The following THRB variants were observed in gnomAD, a reference collection of about 807,000 sequenced individuals.
The protein encoded by THRB is nuclear receptor subfamily 1 group A member 2.
In THRB, 12 loss-of-function variants were observed where a neutral mutation model predicts 47.8. The ratio of observed to expected loss-of-function variants is 0.25; its 90% CI spans 0.16 to 0.41. The LOEUF (loss-of-function observed/expected upper bound fraction) is 0.41. Ranked by LOEUF, THRB falls within the 10% of genes least tolerant of loss-of-function variation. The pLI is 1.00. For missense variants in THRB, 348 were observed against 589.2 expected (o/e 0.59, Z 4.24); for synonymous variants, 218 against 212.2 (o/e 1.03, Z -0.24).
rs184518282 is a variant in THRB at position 24,437,356 on chromosome 3, C to T, written c.-261+57296G>A. On this transcript the variant is annotated intron_variant, in intron 1 of 10. Coordinates refer to ENST00000646209, the MANE Select transcript of THRB (RefSeq NM_001354712.2). ...AAGTGTATCTCATGGAGGAAGACAGCAGATTGGTGGTTCCCAGAGGCTGAG... is the reference window on the plus strand; with the variant it reads ...AAGTGTATCTCATGGAGGAAGACAGTAGATTGGTGGTTCCCAGAGGCTGAG... Among the ~76,000 whole-genome samples the T allele has an allele frequency of 1.2e-3, 176 of 151,880 alleles. 1 individual carries two copies. The highest frequency in any genetic ancestry group is 3.4e-3 in the Middle Eastern group (1 of 294).
intron 5 of THRB, among the ~76,000 whole-genome samples, chr3:24,186,575 T>C (rs1344234526): frequency 6.6e-6 from 1 of 152,172 alleles, no homozygotes; most frequent in Non-Finnish European, 1.5e-5. Flanking sequence ...TAGCTCTCAT[T>C]CTAATTAAAT....
At chr3:24,337,981 C>T (rs550161282) in intron 1 of THRB, among the ~76,000 whole-genome samples, 1 of 152,294 alleles carries the variant, frequency 6.6e-6, no homozygotes, top group East Asian at 1.9e-4. Context: ...AAACAGACCA[C>T]GACACCTGCC....
chr3:24,195,683 C>G (rs2043866832), intron 4 of THRB, among the ~76,000 whole-genome samples: 1 of 152,226 alleles, frequency 6.6e-6, no homozygotes, highest in Non-Finnish European at 1.5e-5. Context: ...CTCCCTCTGG[C>G]TGAGCTCCTC....
At chr3:24,344,437 A>G (rs1050457578) in intron 1 of THRB, among the ~76,000 whole-genome samples, 1 of 152,132 alleles carries the variant, frequency 6.6e-6, no homozygotes, top group African/African-American at 2.4e-5. Flanking sequence ...GTTGATCAAC[A>G]AGAAAATTAC....
chr3:24,282,673 T>C (rs1202551053), intron 3 of THRB, among the ~76,000 whole-genome samples: 1 of 145,150 alleles, frequency 6.9e-6, no homozygotes, highest in Non-Finnish European at 1.5e-5. Context: ...ATCAACAAAA[T>C]TGATAGACCG....
At chr3:24,212,446 G>C (rs1186300971) in intron 4 of THRB, among the ~76,000 whole-genome samples, 2 of 151,346 alleles carry the variant, frequency 1.3e-5, no homozygotes, top group Non-Finnish European at 2.9e-5. Flanking sequence ...GCCAGGCATG[G>C]TGGCGGGCAC....
At chr3:24,339,183 G>A (rs2062459523) in intron 1 of THRB, among the ~76,000 whole-genome samples, 1 of 151,966 alleles carries the variant, frequency 6.6e-6, no homozygotes, top group African/African-American at 2.4e-5. Context: ...TTTTTTGAGA[G>A]TGTAATTTTG....
intron 1 of THRB, among the ~76,000 whole-genome samples, chr3:24,415,401 T>A (rs1251418585): frequency 6.6e-6 from 1 of 151,912 alleles, no homozygotes; most frequent in African/African-American, 2.4e-5. Context: ...GTAAAAATCT[T>A]ATCAGGCAAG....
At chr3:24,218,978 A>T (rs2046894171) in intron 4 of THRB, among the ~76,000 whole-genome samples, 1 of 152,216 alleles carries the variant, frequency 6.6e-6, no homozygotes, top group Non-Finnish European at 1.5e-5. Context: ...ATAGAATAGC[A>T]TTCTAAGCTC....
At chr3:24,491,047 C>G (rs1687714854) in intron 1 of THRB, among the ~76,000 whole-genome samples, 1 of 152,120 alleles carries the variant, frequency 6.6e-6, no homozygotes, top group Admixed American at 6.5e-5. Context: ...AGTTGGCAAG[C>G]ACCATGGCAG....
At chr3:24,227,755 T>C (rs952358746) in intron 4 of THRB, among the ~76,000 whole-genome samples, 5 of 152,144 alleles carry the variant, frequency 3.3e-5, no homozygotes, top group African/African-American at 7.2e-5. Flanking sequence ...TAGCTTATCA[T>C]AGGGTGGGGA....
intron 1 of THRB, among the ~76,000 whole-genome samples, chr3:24,443,723 A>G (rs2071778895): frequency 6.6e-6 from 1 of 152,224 alleles, no homozygotes; most frequent in African/African-American, 2.4e-5. Context: ...ATTCAAAAGA[A>G]ACTATGATAC....
intron 2 of THRB, among the ~76,000 whole-genome samples, chr3:24,317,811 T>C (rs1197747332): frequency 2.0e-5 from 3 of 152,140 alleles, no homozygotes; most frequent in African/African-American, 7.2e-5. Context: ...AATCCCAGCA[T>C]TTTGAGAGTC....
intron 3 of THRB, among the ~76,000 whole-genome samples, chr3:24,285,209 T>G (rs1320764988): frequency 4.0e-5 from 6 of 148,580 alleles, no homozygotes; most frequent in East Asian, 1.9e-4. Flanking sequence ...TAGACTGGAT[T>G]AAGAAAATGT....
intron 2 of THRB, among the ~76,000 whole-genome samples, chr3:24,314,699 C>G (rs2057995102): frequency 6.6e-6 from 1 of 152,184 alleles, no homozygotes; most frequent in Non-Finnish European, 1.5e-5. Flanking sequence ...CGCACATTCC[C>G]AATTCTTTCA....
chr3:24,289,833 A>T (rs182462932), intron 3 of THRB, among the ~76,000 whole-genome samples: 22 of 152,278 alleles, frequency 1.4e-4, no homozygotes, highest in African/African-American at 5.1e-4. Flanking sequence ...CATTATATCT[A>T]TATGTATACC....
intron 1 of THRB, among the ~76,000 whole-genome samples, chr3:24,370,457 C>T (rs2064824139): frequency 6.6e-6 from 1 of 151,956 alleles, no homozygotes; most frequent in Non-Finnish European, 1.5e-5. Context: ...GTGAGGTGTG[C>T]ACATGAGTGT....
intron 3 of THRB, among the ~76,000 whole-genome samples, chr3:24,266,452 G>A (rs2150567496): frequency 6.6e-6 from 1 of 152,192 alleles, no homozygotes; most frequent in South Asian, 2.1e-4. Context: ...TGATCTGAGG[G>A]TAGTGAAGAG....
chr3:24,339,758 C>T (rs2062506509), intron 1 of THRB, among the ~76,000 whole-genome samples: 1 of 152,114 alleles, frequency 6.6e-6, no homozygotes, highest in Non-Finnish European at 1.5e-5. Context: ...TACCCATTTT[C>T]AGTTCTTCTC....
Sources: allele counts gnomAD v4.1 joint callset (sites outside exome capture counted in the v4.1 genomes callset), GRCh38; gene constraint gnomAD v4.1.1; transcripts MANE v1.5; gene names NCBI Gene and HGNC (gene_info 2026-07-23, HGNC 2026-07-21).